The following ANKS1A variants were observed in gnomAD, a reference collection of about 807,000 sequenced individuals.
The protein encoded by ANKS1A is ankyrin repeat and SAM domain-containing protein 1A.
A neutral mutation model predicts 120.3 loss-of-function variants in ANKS1A; 55 were observed. The ratio of observed to expected loss-of-function variants is 0.46; its 90% CI spans 0.37 to 0.57. The LOEUF is 0.57. Ranked by LOEUF, ANKS1A falls within the 20% of genes least tolerant of loss-of-function variation. ANKS1A has a pLI of 0.00. For synonymous variants in ANKS1A, 590 were observed against 604.7 expected (o/e 0.98, Z 0.36); for missense variants, 1,123 against 1,480.3 (o/e 0.76, Z 3.96).
chr6:35,092,461 G>A (rs1428727914), downstream of ANKS1A, among the ~76,000 whole-genome samples: 2 of 152,210 alleles, frequency 1.3e-5, no homozygotes, highest in East Asian at 3.9e-4. Context: ...GAATGGCAGA[G>A]AGCCAAATCC....
intron 1 of ANKS1A, among the ~76,000 whole-genome samples, chr6:34,919,338 A>T (rs1768322935): frequency 6.6e-6 from 1 of 152,320 alleles, no homozygotes; most frequent in East Asian, 1.9e-4. Flanking sequence ...CCTTGAGTCC[A>T]AACTTACTGT....
At chr6:34,901,672 G>A (rs963356542) in intron 1 of ANKS1A, among the ~76,000 whole-genome samples, 1 of 152,054 alleles carries the variant, frequency 6.6e-6, no homozygotes, top group Non-Finnish European at 1.5e-5. Context: ...CACCATGCCC[G>A]GTTAATTTTT....
chr6:34,977,428 T>G (rs1157520523), intron 3 of ANKS1A, among the ~76,000 whole-genome samples: 5 of 151,746 alleles, frequency 3.3e-5, no homozygotes, highest in African/African-American at 9.7e-5. Flanking sequence ...CCCATGTAAT[T>G]CTAAAAGCTG....
intron 10 of ANKS1A, among the ~76,000 whole-genome samples, chr6:35,012,823 A>G (rs1195547072): frequency 1.3e-5 from 2 of 152,146 alleles, no homozygotes; most frequent in Non-Finnish European, 1.5e-5. Flanking sequence ...GCCTCGATGT[A>G]TGGGTAGCAT....
chr6:35,017,640 T>TC lies in ANKS1A; in HGVS notation c.1597dup (p.Gln533ProfsTer50), dbSNP rs1434271713. The stretch of plus-strand genomic sequence containing the variant: ...CGCTGGCCAGAGCCATCCAGACGGG[T>TC]CCCCCCAGCAGGGCGCCTGCCACAA... On this transcript the variant is annotated frameshift_variant, in exon 11 of 24. Transcript: ENST00000360359. LOFTEE classifies it high-confidence loss of function. 1 of 1,611,818 alleles carries TC rather than the reference T, an allele frequency of 6.2e-7. No individual in the cohort carries two copies. Among genetic ancestry groups the TC allele is most frequent in the African/African-American group, 1.3e-5 (1 of 74,576 alleles).
chr6:35,078,901 TGAG>T (rs1287388111), intron 14 of ANKS1A, among the ~76,000 whole-genome samples: 4 of 152,214 alleles, frequency 2.6e-5, no homozygotes, highest in African/African-American at 7.2e-5. Context: ...TCTGGGGTCA[TGAG>T]GAGGTTCTGG....
chr6:35,034,627 A>G (rs944520622), intron 11 of ANKS1A, among the ~76,000 whole-genome samples: 25 of 152,216 alleles, frequency 1.6e-4, no homozygotes, highest in Admixed American at 2.6e-4. Flanking sequence ...GATATTTTTA[A>G]GCCTTTGTAG....
At chr6:34,975,113 T>A (rs1771489623) in intron 3 of ANKS1A, among the ~76,000 whole-genome samples, 1 of 152,224 alleles carries the variant, frequency 6.6e-6, no homozygotes, top group Non-Finnish European at 1.5e-5. Flanking sequence ...TTGGAAATAA[T>A]TCCCTTTGCC....
At chr6:34,926,190 C>G (rs896730305) in intron 1 of ANKS1A, among the ~76,000 whole-genome samples, 1 of 152,188 alleles carries the variant, frequency 6.6e-6, no homozygotes, top group African/African-American at 2.4e-5. Flanking sequence ...CTTTGACATT[C>G]CCAGCTATGG....
At chr6:35,026,756 CT>C (rs1774646767) in intron 11 of ANKS1A, among the ~76,000 whole-genome samples, 1 of 152,140 alleles carries the variant, frequency 6.6e-6, no homozygotes. Flanking sequence ...TTAATATTGT[CT>C]TACAAATATA....
intron 10 of ANKS1A, among the ~76,000 whole-genome samples, chr6:34,998,425 A>C (rs1007254229): frequency 6.6e-6 from 1 of 152,190 alleles, no homozygotes; most frequent in Non-Finnish European, 1.5e-5. Flanking sequence ...AGCAAAACTA[A>C]AGGCAGGTAG....
rs1398981199 is a variant in ANKS1A, at chr6:34,889,752, C to G, written c.197+153C>G. On this transcript the variant is annotated intron_variant, in intron 1 of 23. Coordinates refer to ENST00000360359, the MANE Select transcript of ANKS1A (RefSeq NM_015245.3). The surrounding 1 kb of genome is among the most constrained non-coding windows in gnomAD (Gnocchi z 5.5). ...GCAGGCGGCCCGCGGGCCAGGGTAC[C>G]GGAGGGCGCGCAGGTCCGAGTCCAC... Among the ~76,000 whole-genome samples, 1 of 151,928 alleles carries G rather than the reference C, an allele frequency of 6.6e-6. No individual in the cohort carries two copies. The highest frequency in any genetic ancestry group is 1.5e-5 in the Non-Finnish European group (1 of 67,948).
chr6:34,994,495 G>A (rs1772746252), intron 10 of ANKS1A, 73 bp downstream of exon 10: 2 of 1,563,720 alleles, frequency 1.3e-6, no homozygotes, highest in African/African-American at 1.4e-5. Flanking sequence ...GAGTGGAAGG[G>A]GAAGATGTCG....
intron 1 of ANKS1A, among the ~76,000 whole-genome samples, chr6:34,921,360 A>G (rs1768424465): frequency 6.6e-6 from 1 of 152,230 alleles, no homozygotes; most frequent in Admixed American, 6.5e-5. Flanking sequence ...AACAAAATAC[A>G]CGGGCTTAGA....
At chr6:34,991,962 A>G (rs184179562) in intron 9 of ANKS1A, among the ~76,000 whole-genome samples, 62 of 152,044 alleles carry the variant, frequency 4.1e-4, no homozygotes, top group Non-Finnish European at 3.5e-4. Context: ...AGTGGGAGCT[A>G]GGAAGGCTCA....
In ANKS1A at chr6:34,889,314, G is replaced by C. The variant is rs548887218; in HGVS notation, c.-89G>C. 431 of 1,224,300 alleles carry C rather than the reference G, an allele frequency of 3.5e-4. No individual in the cohort carries two copies. The African/African-American group carries it at 6.3e-3, about 18-fold the overall frequency. 75.8% of individuals were successfully genotyped at this position (1,224,300 alleles called of 1,614,324 possible). A position where few individuals can be genotyped will look rare whatever the true frequency, so the allele number is the denominator to read the frequency against. On this transcript the variant is annotated 5_prime_UTR_variant, in exon 1 of 24. Coordinates refer to ENST00000360359, the MANE Select transcript of ANKS1A (RefSeq NM_015245.3). This position sits in a 1 kb window ranked among gnomAD's most constrained non-coding sequence, Gnocchi z 5.5. ...GTGGTGTCCCCAGCCGGTTTGGGGG[G>C]TGCGTTGCCCGGAGACGGAAAGTTT...
intron 10 of ANKS1A, among the ~76,000 whole-genome samples, chr6:35,002,308 T>G (rs374409915): frequency 1.3e-5 from 2 of 151,908 alleles, no homozygotes; most frequent in East Asian, 3.9e-4. Context: ...CACCAACCCC[T>G]GCAAAGTGAC....
rs1387228576 is a variant in ANKS1A, at chr6:35,060,734, G to A, written c.2184+481G>A. On this transcript the variant is annotated intron_variant, in intron 13 of 23. Coordinates refer to ENST00000360359, the MANE Select transcript of ANKS1A (RefSeq NM_015245.3). This position sits in a 1 kb window ranked among gnomAD's most constrained non-coding sequence, Gnocchi z 4.5. Reference sequence around the variant, plus strand: ...TACCCGTGGCCTCAGAGATGGCCCAGAGGAAAGGCTGAGTTGATGGCCTGG... The same window carrying A: ...TACCCGTGGCCTCAGAGATGGCCCAAAGGAAAGGCTGAGTTGATGGCCTGG... 6.6e-6 allele frequency among the ~76,000 whole-genome samples: 1 copy of A among 152,196 alleles called. No homozygotes were observed. Among genetic ancestry groups the A allele is most frequent in the African/African-American group, 2.4e-5 (1 of 41,454 alleles).
intron 13 of ANKS1A, among the ~76,000 whole-genome samples, chr6:35,073,047 G>A (rs775713074): frequency 1.3e-5 from 2 of 152,222 alleles, no homozygotes; most frequent in African/African-American, 2.4e-5. Context: ...GTTTCTTTCT[G>A]TGTAATGTGA....
Sources: allele counts gnomAD v4.1 joint callset (sites outside exome capture counted in the v4.1 genomes callset), GRCh38; gene constraint gnomAD v4.1.1; non-coding constraint Gnocchi (gnomAD v3.1); transcripts MANE v1.5; gene names NCBI Gene and HGNC (gene_info 2026-07-23, HGNC 2026-07-21).